Variants in SYTL2 observed in about 807,000 individuals in gnomAD.
The protein encoded by SYTL2 is synaptotagmin-like protein 2.
SYTL2 carries 165 observed loss-of-function variants against 198.7 expected under a neutral mutation model. The observed-to-expected ratio is 0.83, with a 90% CI of 0.73 to 0.94. The LOEUF is 0.94. Among genes scored for constraint, SYTL2 ranks in the 40% least tolerant of loss-of-function variants. The pLI is 0.00. For synonymous variants in SYTL2, 966 were observed against 917.7 expected (o/e 1.05, Z -0.95); for missense variants, 2,835 against 2,582.8 (o/e 1.10, Z -2.12).
At chr11:85,815,329 A>G (rs923549356), upstream of SYTL2, among the ~76,000 whole-genome samples, 5 of 152,242 alleles carry the variant, frequency 3.3e-5, no homozygotes, top group Non-Finnish European at 7.3e-5. Flanking sequence ...TGGCATGGTA[A>G]TGTGGTTAGA....
At position 85,726,532 on chromosome 11, in the gene SYTL2, A is replaced by C. The variant is rs769938749; in HGVS notation, c.2826T>G (p.His942Gln). 1 of 1,602,446 alleles carries C rather than the reference A, an allele frequency of 6.2e-7. No homozygotes were observed. Among genetic ancestry groups the C allele is most frequent in the South Asian group, 1.1e-5 (1 of 90,940 alleles). Residue 942 changes from histidine (H) to glutamine (Q), a missense_variant, in exon 8 of 20, where the codon CAT (histidine) becomes CAG (glutamine). His to Gln is a conservative substitution (Grantham distance 24). Transcript: ENST00000359152. The stretch of plus-strand genomic sequence containing the variant: ...GAGGTCTGTCTTTCTCCAATGGAGC[A>C]TGTCGTTCACTCCCGACATTTGAGG... The part of the protein sequence containing the change: ...QPPSNVGSER[H>Q]APLEKDRPLV...
rs542625298 is a variant in SYTL2 at position 85,717,433 on chromosome 11, T to C, written c.5530+50A>G. The C allele has an allele frequency of 1.1e-4, 169 of 1,479,880 alleles. No individual in the cohort carries two copies. The Middle Eastern group carries it at 1.5e-3, about 14-fold the overall frequency. The allele number at this position is 1,479,880 out of a possible 1,614,324, so 91.7% of individuals were successfully genotyped here. A position where few individuals can be genotyped will look rare whatever the true frequency, so the allele number is the denominator to read the frequency against. On this transcript the variant is annotated intron_variant, in intron 11 of 19. Transcript: ENST00000359152. ...GGGTTAGTTATTTCAGTATATTTAA[T>C]ATGTAAAGTGGAATGTTTAGTCATT...
chr11:85,755,124 A>G (rs2091785426), intron 2 of SYTL2, among the ~76,000 whole-genome samples: 1 of 152,224 alleles, frequency 6.6e-6, no homozygotes, highest in Admixed American at 6.5e-5. Flanking sequence ...AAGCCCATGG[A>G]GTAACATTTT....
In SYTL2 at chr11:85,725,664, A is replaced by G. The variant is rs2089052181; in HGVS notation, c.3694T>C (p.Leu1232=). 3 of 1,613,950 alleles carry G rather than the reference A, an allele frequency of 1.9e-6. No individual in the cohort carries two copies. In the South Asian group the frequency reaches 3.3e-5, roughly 18 times the overall value. Residue 1232 remains leucine, a synonymous_variant, in exon 8 of 20, where the codon TTG becomes CTG. Transcript: ENST00000359152. ...TTGGTTCCAGTGATAACAGGCGCCAACTTGGCTTGCAAGGGAGAGGGTGAA... is the reference window on the plus strand; with the variant it reads ...TTGGTTCCAGTGATAACAGGCGCCAGCTTGGCTTGCAAGGGAGAGGGTGAA... ...GTSPSPLQAK[L]APVITGTNSK...
chr11:85,849,006 A>C, the SYTL2 span, among the ~76,000 whole-genome samples: 1 of 152,248 alleles, frequency 6.6e-6, no homozygotes, highest in Non-Finnish European at 1.5e-5. Context: ...CTCTGGCTTA[A>C]AGTGAAAAAA....
intron 2 of SYTL2, among the ~76,000 whole-genome samples, chr11:85,749,009 G>C (rs900869058): frequency 6.6e-6 from 1 of 152,140 alleles, no homozygotes; most frequent in Non-Finnish European, 1.5e-5. Flanking sequence ...CTTATTGTTA[G>C]GGAAAGGCAT....
chr11:85,847,893 G>A, the SYTL2 span, among the ~76,000 whole-genome samples: 2 of 152,020 alleles, frequency 1.3e-5, no homozygotes, highest in African/African-American at 2.4e-5. Context: ...TATTGCAAAC[G>A]TTTTCTTCCA....
intron 1 of SYTL2, among the ~76,000 whole-genome samples, chr11:85,795,556 GT>G (rs1271460853): frequency 6.6e-6 from 1 of 150,466 alleles, no homozygotes; most frequent in African/African-American, 2.4e-5. Context: ...CGTGTTTTTT[GT>G]TTTTTACTAT....
At chr11:85,795,158 G>A (rs2092784686) in intron 1 of SYTL2, among the ~76,000 whole-genome samples, 1 of 152,126 alleles carries the variant, frequency 6.6e-6, no homozygotes, top group African/African-American at 2.4e-5. Context: ...TGTATTAGCT[G>A]TAATACTTAT....
intron 1 of SYTL2, among the ~76,000 whole-genome samples, chr11:85,761,117 C>A (rs1204732171): frequency 6.6e-6 from 1 of 151,960 alleles, no homozygotes; most frequent in Non-Finnish European, 1.5e-5. Context: ...AAACTTCCTG[C>A]CTTTGTGGAG....
chr11:85,765,677 C>G (rs1420222620), intron 1 of SYTL2, among the ~76,000 whole-genome samples: 2 of 152,156 alleles, frequency 1.3e-5, no homozygotes, highest in Non-Finnish European at 2.9e-5. Context: ...GGCTGAGTAG[C>G]AGACAGCTAG....
At chr11:85,701,540 T>C (rs78896040) in intron 16 of SYTL2, among the ~76,000 whole-genome samples, 393 of 152,328 alleles carry the variant, frequency 2.6e-3, no homozygotes, top group Non-Finnish European at 4.5e-3. Context: ...TTTCAAAATA[T>C]GGGTATGTAT....
At chr11:85,749,027 A>C (rs1317281981) in intron 2 of SYTL2, among the ~76,000 whole-genome samples, 1 of 152,184 alleles carries the variant, frequency 6.6e-6, no homozygotes, top group Non-Finnish European at 1.5e-5. Flanking sequence ...CATCTTTAAA[A>C]GGCTGCTGGA....
In SYTL2 at chr11:85,718,711, C is replaced by T. The variant is rs529706652; in HGVS notation, c.5482+79G>A. On this transcript the variant is annotated intron_variant, in intron 10 of 19. Transcript: ENST00000359152. ...AAATGACGTTCTTCTGTTTACCCAA[C>T]AGCTGCGTCCCGGAGACTGCCCAAA... The T allele has an allele frequency of 1.1e-5, 14 of 1,327,734 alleles. No individual in the cohort carries two copies. In the Admixed American group the frequency reaches 1.1e-4, roughly 10 times the overall value. 82.2% of individuals were successfully genotyped at this position (1,327,734 alleles called of 1,614,324 possible).
At chr11:85,737,802 A>G in intron 4 of SYTL2, 146 bp from the exon 5 acceptor site, 1 of 682,108 alleles carries the variant, frequency 1.5e-6, no homozygotes, top group Non-Finnish European at 2.5e-6. Flanking sequence ...ATTATTCCCT[A>G]TCCCAGGGAC....
chr11:85,711,570 T>C (rs185536503), intron 12 of SYTL2, among the ~76,000 whole-genome samples: 3 of 152,306 alleles, frequency 2.0e-5, no homozygotes, highest in Non-Finnish European at 2.9e-5. Flanking sequence ...GGGAACTCTA[T>C]TGGTATATAT....
In SYTL2 at chr11:85,757,833, T is replaced by C; in HGVS notation, c.-108A>G. On this transcript the variant is annotated 5_prime_UTR_variant, in exon 2 of 20. Transcript: ENST00000359152. ...GATTAAAACACACAAAAATGAAATATCTTGTTCAGTTCTGCATCAAAGTCT... is the reference window on the plus strand; with the variant it reads ...GATTAAAACACACAAAAATGAAATACCTTGTTCAGTTCTGCATCAAAGTCT... The C allele has an allele frequency of 6.6e-7, 1 of 1,514,592 alleles. No homozygotes were observed. The highest frequency in any genetic ancestry group is 9.0e-7 in the Non-Finnish European group (1 of 1,116,136). 93.8% of individuals were successfully genotyped at this position (1,514,592 alleles called of 1,614,324 possible).
In SYTL2 at chr11:85,724,911, C is replaced by T; in HGVS notation, c.4447G>A (p.Val1483Met). Residue 1483 changes from valine (V) to methionine (M), a missense_variant, in exon 8 of 20, where the codon GTG becomes ATG. Val to Met is a conservative substitution (Grantham distance 21). Transcript: ENST00000359152. Reference protein sequence around the residue: ...KGLPQEVEEIVRETIVQPKSE... With the variant: ...KGLPQEVEEIMRETIVQPKSE... ...TTGGGTTGAACAATTGTTTCCCTCACAATTTCTTCCACTTCCTGAGGGAGG... is the reference window on the plus strand; with the variant it reads ...TTGGGTTGAACAATTGTTTCCCTCATAATTTCTTCCACTTCCTGAGGGAGG... 6.2e-7 allele frequency: 1 copy of T among 1,614,170 alleles called. No homozygotes were observed.
chr11:85,786,647 C>G (rs574615518), intron 1 of SYTL2, among the ~76,000 whole-genome samples: 2 of 152,278 alleles, frequency 1.3e-5, no homozygotes, highest in Admixed American at 1.3e-4. Context: ...GTGTGCATGG[C>G]AGGTCGAGAG....
Sources: allele counts gnomAD v4.1 joint callset (sites outside exome capture counted in the v4.1 genomes callset), GRCh38; gene constraint gnomAD v4.1.1; transcripts MANE v1.5; gene names NCBI Gene and HGNC (gene_info 2026-07-23, HGNC 2026-07-21).